CHRNA5: variants seen among roughly 807,000 people sequenced by gnomAD.
The protein encoded by CHRNA5 is cholinergic receptor nicotinic alpha 5 subunit.
A neutral mutation model predicts 41.2 loss-of-function variants in CHRNA5; 28 were observed. That is an observed-to-expected ratio of 0.68 (90% CI 0.50 to 0.93). CHRNA5 has a LOEUF of 0.93. CHRNA5 is among the 40% of genes least tolerant of loss of function. The pLI is 0.00. For missense variants in CHRNA5, 481 were observed against 581.9 expected, an observed-to-expected ratio of 0.83 and a Z score of 1.78; for synonymous variants, 188 against 205.8, an observed-to-expected ratio of 0.91 and a Z score of 0.74.
chr15:78,567,993 C>G (rs113840316), intron 1 of CHRNA5, among the ~76,000 whole-genome samples: 3 of 152,180 alleles, frequency 2.0e-5, no homozygotes, highest in African/African-American at 7.2e-5. Context: ...TATTACTTGA[C>G]CTTGCTGATT....
chr15:78,576,813 A>C (rs963718431), intron 1 of CHRNA5, among the ~76,000 whole-genome samples: 5 of 149,786 alleles, frequency 3.3e-5, no homozygotes, highest in Non-Finnish European at 5.9e-5. Context: ...AAAAAAAAAA[A>C]CAAAAAAAGC....
rs1269372193 is a variant in CHRNA5 at position 78,588,582 on chromosome 15, G to C, written c.413+159G>C. Among the ~76,000 whole-genome samples the C allele has an allele frequency of 6.6e-6, 1 of 152,136 alleles. No homozygotes were observed. Among genetic ancestry groups the C allele is most frequent in the East Asian group, 1.9e-4 (1 of 5,204 alleles). On this transcript the variant is annotated intron_variant, in intron 4 of 5. Transcript: ENST00000299565. The surrounding 1 kb of genome is among the most constrained non-coding windows in gnomAD (Gnocchi z 4.1). ...GTATGATTACATGTTTTATAGATGA[G>C]GAAACAGAGGCTTAGGGTGGTTGTT...
intron 1 of CHRNA5, among the ~76,000 whole-genome samples, chr15:78,571,848 T>A (rs2052808445): frequency 6.6e-6 from 1 of 152,224 alleles, no homozygotes; most frequent in African/African-American, 2.4e-5. Flanking sequence ...AAATAATGAT[T>A]GGTAAGCATT....
intron 5 of CHRNA5, 124 bp downstream of exon 5, chr15:78,590,760 G>A: frequency 1.3e-6 from 1 of 751,188 alleles, no homozygotes; most frequent in Non-Finnish European, 2.1e-6. Flanking sequence ...TTGAGGGCCA[G>A]AATTGTTGAC....
chr15:78,586,615 C>A (rs369401295), intron 2 of CHRNA5, 30 bp from the exon 3 acceptor site: 4 of 1,274,592 alleles, frequency 3.1e-6, no homozygotes, highest in South Asian at 1.3e-5. Flanking sequence ...TAATTGAAAT[C>A]AATCTTATTT....
At chr15:78,583,566 G>T (rs1163036519) in intron 2 of CHRNA5, among the ~76,000 whole-genome samples, 1 of 152,004 alleles carries the variant, frequency 6.6e-6, no homozygotes, top group Non-Finnish European at 1.5e-5. Flanking sequence ...ATGGTGGCGG[G>T]CACCTGTAGT....
intron 1 of CHRNA5, among the ~76,000 whole-genome samples, chr15:78,571,764 A>G (rs2052807651): frequency 6.6e-6 from 1 of 152,180 alleles, no homozygotes; most frequent in African/African-American, 2.4e-5. Flanking sequence ...TAATTCTGTG[A>G]TAAAAATCAA....
At chr15:78,569,283 A>T (rs2052777643) in intron 1 of CHRNA5, among the ~76,000 whole-genome samples, 1 of 152,142 alleles carries the variant, frequency 6.6e-6, no homozygotes, top group African/African-American at 2.4e-5. Flanking sequence ...TATAATTAGG[A>T]TATGAAGTTT....
rs201669774 is a variant in CHRNA5 at position 78,565,590 on chromosome 15, C to A, written c.-130C>A. On this transcript the variant is annotated 5_prime_UTR_variant, in exon 1 of 6. Coordinates refer to ENST00000299565, the Ensembl canonical transcript of CHRNA5. ...TCCCGGCGGGAGCTGTGGCGCGGAGCGGCCCCTCTGCTGCGTCTGCCCTCG... is the reference window on the plus strand; with the variant it reads ...TCCCGGCGGGAGCTGTGGCGCGGAGAGGCCCCTCTGCTGCGTCTGCCCTCG... 7 of 229,746 alleles carry A rather than the reference C, an allele frequency of 3.0e-5. No individual in the cohort carries two copies. The South Asian group carries it at 1.1e-3, about 35-fold the overall frequency. 14.2% of individuals were successfully genotyped at this position (229,746 alleles called of 1,614,324 possible).
At chr15:78,576,484 T>C (rs2052857903) in intron 1 of CHRNA5, among the ~76,000 whole-genome samples, 1 of 151,910 alleles carries the variant, frequency 6.6e-6, no homozygotes, top group Admixed American at 6.6e-5. Flanking sequence ...GGAAGAAAAA[T>C]TAAAATGTAA....
chr15:78,584,981 A>C (rs906388317), intron 2 of CHRNA5, among the ~76,000 whole-genome samples: 2 of 152,132 alleles, frequency 1.3e-5, no homozygotes, highest in African/African-American at 4.8e-5. Context: ...GTGCAGTGAC[A>C]TGATCTTGGC....
chr15:78,593,068 G>T (rs1229349593), intron 5 of CHRNA5, 24 bp from the exon 6 acceptor site: 5 of 1,594,834 alleles, frequency 3.1e-6, no homozygotes, highest in Non-Finnish European at 4.3e-6. Flanking sequence ...ATTATTTAAT[G>T]CATTTTTATT....
Position 78,590,180 on chromosome 15 carries a change from G to A in CHRNA5, c.789G>A (p.Gly263=). The A allele has an allele frequency of 3.7e-6, 6 of 1,613,974 alleles. 1 individual carries two copies. Among genetic ancestry groups the A allele is most frequent in the Middle Eastern group, 3.3e-4 (2 of 6,062 alleles). Residue 263 remains glycine (G), a synonymous_variant, in exon 5 of 6, where the codon GGG becomes GGA. Coordinates refer to ENST00000299565, the Ensembl canonical transcript of CHRNA5. ...TGTTCCTTATAATACCCTGTATTGGGCTCTCATTTTTAACTGTACTTGTCT... is the reference window on the plus strand; with the variant it reads ...TGTTCCTTATAATACCCTGTATTGGACTCTCATTTTTAACTGTACTTGTCT...
intron 1 of CHRNA5, 89 bp downstream of exon 1, chr15:78,565,914 A>C (rs1216813449): frequency 2.7e-6 from 2 of 753,084 alleles, no homozygotes; most frequent in Non-Finnish European, 3.5e-6. Flanking sequence ...CGGCCGCCGG[A>C]AAACCTGGTT....
chr15:78,593,374 C>T (rs1368208695), exon 6 of CHRNA5: 2 of 976,260 alleles, frequency 2.0e-6, no homozygotes, highest in African/African-American at 1.7e-5. Flanking sequence ...GACTAAGTTG[C>T]TAACCTCAAT....
chr15:78,594,679 A>G (rs1048558885), exon 6 of CHRNA5: 8 of 152,278 alleles, frequency 5.3e-5, no homozygotes, highest in African/African-American at 1.7e-4. Flanking sequence ...CTCTGTCTCA[A>G]ACATATTTTG....
At chr15:78,583,789 G>T (rs887920330) in intron 2 of CHRNA5, among the ~76,000 whole-genome samples, 7 of 152,142 alleles carry the variant, frequency 4.6e-5, no homozygotes, top group African/African-American at 1.7e-4. Context: ...TAATTCCAAA[G>T]AAAATGTTCA....
intron 1 of CHRNA5, among the ~76,000 whole-genome samples, chr15:78,567,723 T>G (rs945695070): frequency 3.3e-5 from 5 of 152,206 alleles, no homozygotes; most frequent in African/African-American, 9.6e-5. Context: ...CAGTATTACC[T>G]CTCTGGATAT....
chr15:78,583,578 C>T (rs2052932306), intron 2 of CHRNA5, among the ~76,000 whole-genome samples: 1 of 151,964 alleles, frequency 6.6e-6, no homozygotes, highest in Non-Finnish European at 1.5e-5. Context: ...ACCTGTAGTC[C>T]CAGCTACTCG....
Sources: gnomAD v4.1 joint callset for allele counts (sites outside exome capture counted in the v4.1 genomes callset) on GRCh38, gnomAD v4.1.1 for gene constraint, Gnocchi (gnomAD v3.1) non-coding constraint, MANE v1.5 for transcripts, NCBI Gene and HGNC (gene_info 2026-07-23, HGNC 2026-07-21) for gene names.